The following PRKN variants were observed in gnomAD, a reference collection of about 807,000 sequenced individuals.
The protein encoded by PRKN is parkin RBR E3 ubiquitin protein ligase.
PRKN carries 56 observed loss-of-function variants against 59.5 expected under a neutral mutation model. The observed-to-expected ratio is 0.94, with a 90% confidence interval of 0.76 to 1.18. The LOEUF (loss-of-function observed/expected upper bound fraction) is 1.18. Among genes scored for constraint, PRKN ranks in the 50% most tolerant of loss-of-function variants. The probability of loss-of-function intolerance (pLI) is 0.00; values close to 1 mark genes in which losing one functional copy is unlikely to be tolerated. For synonymous variants in PRKN, 250 were observed against 222.1 expected (o/e 1.13, Z -1.12); for missense variants, 657 against 596.4 (o/e 1.10, Z -1.06).
In PRKN at chr6:162,414,709, T is replaced by TG. The variant is rs373871165; in HGVS notation, c.171+28600_171+28601insC. 3.1e-4 allele frequency among the ~76,000 whole-genome samples: 14 copies of TG among 44,538 alleles called. 2 individuals carry two copies. Among genetic ancestry groups the TG allele is most frequent in the Non-Finnish European group, 3.7e-4 (10 of 27,044 alleles). The allele number at this position is 44,538 out of a possible 152,430, so 29.2% of individuals were successfully genotyped here. ...CTGGTCAACTGAGCAAGACTCCGTC[T>TG]CAAAAAAAAAAAAAAAAAGTGAATC... is the stretch of plus-strand genomic sequence containing the variant. On this transcript the variant is annotated intron_variant, in intron 2 of 11. Transcript: ENST00000366898.
At chr6:161,990,147 T>A (rs1467062404) in intron 5 of PRKN, among the ~76,000 whole-genome samples, 4 of 152,086 alleles carry the variant, frequency 2.6e-5, no homozygotes, top group East Asian at 1.9e-4. Context: ...AAGTTTGGCA[T>A]ACCCAAACCA....
At position 161,550,030 on chromosome 6, in the gene PRKN, T is replaced by G. The variant is rs1411769426; in HGVS notation, c.934-1027A>C. Among the ~76,000 whole-genome samples, 4 of 152,204 alleles carry G rather than the reference T, an allele frequency of 2.6e-5. No homozygotes were observed. Reference sequence around the variant, plus strand: ...TTTAAAGAGGTGATTACAGAATGCCTTACAAAGCAGGTGTCTTTAAGCAAA... The same window carrying G: ...TTTAAAGAGGTGATTACAGAATGCCGTACAAAGCAGGTGTCTTTAAGCAAA... On this transcript the variant is annotated intron_variant, in intron 8 of 11. Coordinates refer to ENST00000366898, the MANE Select transcript of PRKN (RefSeq NM_004562.3). The surrounding 1 kb of genome is among the most constrained non-coding windows in gnomAD (Gnocchi z 4.0).
intron 1 of PRKN, among the ~76,000 whole-genome samples, chr6:162,690,161 C>G (rs1042464766): frequency 2.3e-5 from 3 of 132,430 alleles, no homozygotes; most frequent in African/African-American, 8.4e-5. Flanking sequence ...TTCTGAATAT[C>G]AGTAACGAGT....
At chr6:161,930,006 T>G (rs1009398381) in intron 6 of PRKN, among the ~76,000 whole-genome samples, 11 of 152,222 alleles carry the variant, frequency 7.2e-5, no homozygotes, top group African/African-American at 1.7e-4. Flanking sequence ...TTGTTGGCAA[T>G]GCCACTGAAT....
intron 6 of PRKN, among the ~76,000 whole-genome samples, chr6:161,893,029 G>C (rs983912689): frequency 1.3e-5 from 2 of 152,164 alleles, no homozygotes; most frequent in African/African-American, 2.4e-5. Flanking sequence ...TTTTAGTAGA[G>C]ATGGGGTTTC....
chr6:162,198,974 T>C (rs1784611381), intron 4 of PRKN, among the ~76,000 whole-genome samples: 1 of 152,178 alleles, frequency 6.6e-6, no homozygotes, highest in African/African-American at 2.4e-5. Context: ...AGAAATCCCA[T>C]GTAAAATTCC....
intron 1 of PRKN, among the ~76,000 whole-genome samples, chr6:162,610,208 C>T (rs896701232): frequency 6.6e-5 from 10 of 152,114 alleles, no homozygotes; most frequent in African/African-American, 1.4e-4. Flanking sequence ...CATTTAGTGA[C>T]GACAAAACTG....
intron 2 of PRKN, among the ~76,000 whole-genome samples, chr6:162,435,799 C>A (rs745830271): frequency 6.6e-6 from 1 of 152,158 alleles, no homozygotes; most frequent in Non-Finnish European, 1.5e-5. Context: ...CAATCTCTTA[C>A]ACAGAAATAA....
At chr6:162,548,891 CT>C (rs1554241254) in intron 1 of PRKN, among the ~76,000 whole-genome samples, 1 of 152,128 alleles carries the variant, frequency 6.6e-6, no homozygotes, top group Non-Finnish European at 1.5e-5. Flanking sequence ...GCTCACTCCC[CT>C]TATCTTCCTG....
rs138911423 is a variant in PRKN, at chr6:162,710,374, A to AACACACACACACACACACACAC, written c.7+17266_7+17287dup. 3.5e-3 allele frequency among the ~76,000 whole-genome samples: 441 copies of AACACACACACACACACACACAC among 125,288 alleles called. 13 individuals are homozygous for AACACACACACACACACACACAC. Among genetic ancestry groups the AACACACACACACACACACACAC allele is most frequent in the African/African-American group, 0.013 (380 of 29,230 alleles). The allele number at this position is 125,288 out of a possible 152,430, so 82.2% of individuals were successfully genotyped here. On this transcript the variant is annotated intron_variant, in intron 1 of 11. Transcript: ENST00000366898. Reference sequence around the variant, plus strand: ...CAGAAAGCCCCTGGCACCCCCTACAAACACACACACACACACACACACACA... The same window carrying AACACACACACACACACACACAC: ...CAGAAAGCCCCTGGCACCCCCTACAAACACACACACACACACACACACACACACACACACACACACACACACA...
chr6:162,149,260 T>C (rs1782158739), intron 4 of PRKN, among the ~76,000 whole-genome samples: 1 of 152,160 alleles, frequency 6.6e-6, no homozygotes, highest in Admixed American at 6.5e-5. Context: ...TCATAATTTT[T>C]TTAAGACAGG....
intron 2 of PRKN, among the ~76,000 whole-genome samples, chr6:162,287,112 T>A (rs61617264): frequency 0.071 from 10,772 of 152,138 alleles, 1,076 homozygotes; most frequent in East Asian, 0.5. Flanking sequence ...TACAGATGTG[T>A]GAAACTCAGA....
intron 4 of PRKN, among the ~76,000 whole-genome samples, chr6:162,063,033 G>C (rs1416180383): frequency 6.6e-6 from 1 of 152,028 alleles, no homozygotes; most frequent in Admixed American, 6.6e-5. Flanking sequence ...AAAGCAAATG[G>C]GAACTTCTTT....
At chr6:161,902,802 C>T (rs1476454757) in intron 6 of PRKN, among the ~76,000 whole-genome samples, 1 of 152,036 alleles carries the variant, frequency 6.6e-6, no homozygotes, top group East Asian at 1.9e-4. Context: ...AGTGATCTGC[C>T]CACCTCGGCC....
At chr6:162,462,796 T>C (rs767513309) in intron 1 of PRKN, among the ~76,000 whole-genome samples, 1 of 152,162 alleles carries the variant, frequency 6.6e-6, no homozygotes, top group Admixed American at 6.6e-5. Context: ...GTGCAGTATG[T>C]TTAAAACTCA....
intron 1 of PRKN, among the ~76,000 whole-genome samples, chr6:162,584,912 T>C (rs759806028): frequency 5.1e-5 from 6 of 118,700 alleles, no homozygotes; most frequent in Non-Finnish European, 8.8e-5. Context: ...CTCTTCTCTT[T>C]TCTTTTCTTT....
chr6:161,490,746 A>C (rs1777525186), intron 9 of PRKN, among the ~76,000 whole-genome samples: 1 of 151,988 alleles, frequency 6.6e-6, no homozygotes, highest in African/African-American at 2.4e-5. Flanking sequence ...TCCCCACCAA[A>C]TCTCATGTCA....
rs535296713 is a variant in PRKN at position 162,262,007 on chromosome 6, T to C, written c.412+518A>G. Among the ~76,000 whole-genome samples the C allele has an allele frequency of 5.3e-5, 8 of 152,302 alleles. No individual in the cohort carries two copies. In the East Asian group the frequency reaches 1.5e-3, roughly 29 times the overall value. On this transcript the variant is annotated intron_variant, in intron 3 of 11. Transcript: ENST00000366898. ...GTCATTGTGATTATTTTGTGTCTTC[T>C]GTCAAACACAGTAAAAATTAATTCT... is the stretch of plus-strand genomic sequence containing the variant.
chr6:162,024,222 G>T (rs1783330362), intron 5 of PRKN, among the ~76,000 whole-genome samples: 1 of 75,410 alleles, frequency 1.3e-5, no homozygotes, highest in African/African-American at 6.0e-5. Flanking sequence ...TTTTTTGACA[G>T]AGTTTCACTC....
Sources: gnomAD v4.1 joint callset for allele counts (sites outside exome capture counted in the v4.1 genomes callset) on GRCh38, gnomAD v4.1.1 for gene constraint, Gnocchi (gnomAD v3.1) non-coding constraint, MANE v1.5 for transcripts, NCBI Gene and HGNC (gene_info 2026-07-23, HGNC 2026-07-21) for gene names.